DRC8: variants seen among roughly 807,000 people sequenced by gnomAD.
DRC8 encodes dynein regulatory complex subunit 8.
chr1:245,034,326 C>T, the DRC8 span, among the ~76,000 whole-genome samples: 1 of 151,892 alleles, frequency 6.6e-6, no homozygotes, highest in African/African-American at 2.4e-5. Flanking sequence ...ACAGGATGGG[C>T]GCAGTGGCTC....
the DRC8 span, among the ~76,000 whole-genome samples, chr1:245,066,303 C>G: frequency 6.6e-6 from 1 of 152,308 alleles, no homozygotes; most frequent in Non-Finnish European, 1.5e-5. Context: ...AAAATAGCAA[C>G]AGTACTCCTG....
chr1:245,015,199 C>T, the DRC8 span, among the ~76,000 whole-genome samples: 20 of 152,196 alleles, frequency 1.3e-4, no homozygotes, highest in Admixed American at 5.2e-4. Context: ...TCACTGCAGC[C>T]TCGACCTGCT....
chr1:244,989,143 G>A, the DRC8 span, among the ~76,000 whole-genome samples: 1 of 152,162 alleles, frequency 6.6e-6, no homozygotes, highest in South Asian at 2.1e-4. Context: ...TGTCCAGGCT[G>A]GTCTTGAATT....
chr1:244,985,565 G>A, the DRC8 span, among the ~76,000 whole-genome samples: 1 of 152,142 alleles, frequency 6.6e-6, no homozygotes, highest in Admixed American at 6.5e-5. Context: ...AACCATTAAA[G>A]AGTTACATAA....
chr1:245,082,964 C>A, the DRC8 span, among the ~76,000 whole-genome samples: 1 of 151,914 alleles, frequency 6.6e-6, no homozygotes, highest in Non-Finnish European at 1.5e-5. Flanking sequence ...CCACCTCAGC[C>A]TCCCAAAGTG....
chr1:244,980,892 G>A, the DRC8 span, among the ~76,000 whole-genome samples: 1 of 152,106 alleles, frequency 6.6e-6, no homozygotes, highest in Non-Finnish European at 1.5e-5. Flanking sequence ...ATACAATTTT[G>A]TTGACTGAGG....
the DRC8 span, among the ~76,000 whole-genome samples, chr1:245,065,151 A>G: frequency 7.2e-6 from 1 of 139,468 alleles, no homozygotes; most frequent in African/African-American, 2.7e-5. Flanking sequence ...GGTCTTGAAC[A>G]CCTGACCTCA....
the DRC8 span, among the ~76,000 whole-genome samples, chr1:244,972,566 A>G: frequency 6.6e-6 from 1 of 152,220 alleles, no homozygotes; most frequent in Non-Finnish European, 1.5e-5. Context: ...CACGCCTGCA[A>G]TCCCAGCACT....
the DRC8 span, among the ~76,000 whole-genome samples, chr1:245,094,183 A>T: frequency 6.6e-6 from 1 of 152,134 alleles, no homozygotes; most frequent in Non-Finnish European, 1.5e-5. Flanking sequence ...AAGTTTTCTT[A>T]GTTCTTCTTT....
the DRC8 span, among the ~76,000 whole-genome samples, chr1:245,110,967 G>C: frequency 4.6e-5 from 7 of 151,986 alleles, no homozygotes; most frequent in African/African-American, 1.7e-4. Flanking sequence ...ACCTATGTCA[G>C]CTATGGTATA....
the DRC8 span, among the ~76,000 whole-genome samples, chr1:245,057,137 A>G: frequency 0.041 from 6,211 of 152,178 alleles, 432 homozygotes; most frequent in African/African-American, 0.14. Context: ...GTTGGCTGTG[A>G]TTGGCCGAAA....
At chr1:245,016,101 C>T in the DRC8 span, among the ~76,000 whole-genome samples, 1 of 151,546 alleles carries the variant, frequency 6.6e-6, no homozygotes, top group African/African-American at 2.4e-5. Context: ...CCTGCCTCAG[C>T]CTCCCAACTT....
chr1:245,088,233 A>G, the DRC8 span, among the ~76,000 whole-genome samples: 1 of 151,976 alleles, frequency 6.6e-6, no homozygotes, highest in African/African-American at 2.4e-5. This position sits in a 1 kb window ranked among gnomAD's most constrained non-coding sequence, Gnocchi z 4.6. Flanking sequence ...TATGGCAACT[A>G]TATGGCAACT....
chr1:245,053,530 T>C, the DRC8 span, among the ~76,000 whole-genome samples: 4 of 152,066 alleles, frequency 2.6e-5, no homozygotes, highest in Non-Finnish European at 5.9e-5. Context: ...GAGAAGAACA[T>C]AGGTGAGATA....
the DRC8 span, among the ~76,000 whole-genome samples, chr1:245,045,530 A>G: frequency 3.3e-5 from 5 of 152,326 alleles, no homozygotes; most frequent in South Asian, 8.3e-4. Flanking sequence ...ACCCGCTAGC[A>G]GTTTTCCATT....
chr1:245,052,855 C>T, the DRC8 span, among the ~76,000 whole-genome samples: 5 of 152,312 alleles, frequency 3.3e-5, no homozygotes, highest in East Asian at 1.9e-4. Flanking sequence ...TCTTTTCTTC[C>T]GTGCCATTCA....
the DRC8 span, among the ~76,000 whole-genome samples, chr1:245,105,307 A>G: frequency 1.3e-5 from 2 of 152,288 alleles, no homozygotes; most frequent in South Asian, 4.1e-4. Context: ...AATGGTTGCC[A>G]TTAACATTAT....
chr1:245,100,923 C>T, the DRC8 span, among the ~76,000 whole-genome samples: 1 of 152,098 alleles, frequency 6.6e-6, no homozygotes, highest in African/African-American at 2.4e-5. Context: ...TTTGCTCTGT[C>T]ACCCAGGCTG....
chr1:244,992,249 A>G, the DRC8 span, among the ~76,000 whole-genome samples: 58 of 152,332 alleles, frequency 3.8e-4, no homozygotes, highest in African/African-American at 1.4e-3. Context: ...CTTAAAGTAT[A>G]GACAACAGCA....
Sources: allele counts gnomAD v4.1 joint callset (sites outside exome capture counted in the v4.1 genomes callset), GRCh38; gene constraint gnomAD v4.1.1; non-coding constraint Gnocchi (gnomAD v3.1); transcripts MANE v1.5; gene names NCBI Gene and HGNC (gene_info 2026-07-23, HGNC 2026-07-21).